MEGF6: variants seen among roughly 807,000 people sequenced by gnomAD.
The protein encoded by MEGF6 is multiple EGF like domains 6, also known as multiple epidermal growth factor-like domains protein 6.
Under a neutral mutation model 207.1 loss-of-function variants are expected in MEGF6, and 184 were observed. The ratio of observed to expected loss-of-function variants is 0.89; its 90% CI spans 0.79 to 1.00. The LOEUF is 1.00. Among genes scored for constraint, MEGF6 ranks in the 50% least tolerant of loss-of-function variants. The pLI, the probability that MEGF6 is intolerant of heterozygous loss-of-function variation, is 0.00. For synonymous variants in MEGF6, 1,038 were observed against 910.0 expected (o/e 1.14, Z -2.53); for missense variants, 2,282 against 2,202.9 (o/e 1.04, Z -0.72).
At chr1:3,516,386 G>A (rs889111844) in intron 5 of MEGF6, among the ~76,000 whole-genome samples, 2 of 152,212 alleles carry the variant, frequency 1.3e-5, no homozygotes, top group East Asian at 3.9e-4. Context: ...AGTCAGCCCC[G>A]AGCTCAGAGG....
intron 36 of MEGF6, 30 bp downstream of exon 36, chr1:3,490,882 A>T (rs772668321): frequency 4.5e-6 from 7 of 1,568,258 alleles, no homozygotes; most frequent in Non-Finnish European, 6.1e-6. Flanking sequence ...CCCTCCTGGC[A>T]AGCCCACGGG....
chr1:3,609,565 G>A (rs1266700347), intron 1 of MEGF6, among the ~76,000 whole-genome samples: 3 of 152,242 alleles, frequency 2.0e-5, no homozygotes, highest in African/African-American at 7.2e-5. Flanking sequence ...CTGCAGCCAG[G>A]GAGGCTCCCC....
At chr1:3,499,775 C>G in intron 22 of MEGF6, 21 bp downstream of exon 22, 1 of 1,572,540 alleles carries the variant, frequency 6.4e-7, no homozygotes, top group Non-Finnish European at 8.6e-7. Context: ...CAGCCTAGCC[C>G]CCGCCTGTGC....
chr1:3,496,687 G>A lies in MEGF6; in HGVS notation c.3710C>T (p.Pro1237Leu), dbSNP rs1168024565. The part of the protein sequence containing the change: ...CDAATGACRC[P>L]TGFLGTDCNL... ...GCAGTCCGTCCCGAGGAACCCAGTG[G>A]GGCAGCGGCAGGCCCCCGTGGCCGC... The change falls in exon 29 of 37, where the codon CCC (proline) becomes CTC (leucine). Residue 1237 changes from proline (P) to leucine (L), a missense_variant. By Grantham distance (98) the Pro-to-Leu change is moderately conservative. Transcript: ENST00000356575. 9 of 1,567,538 alleles carry A rather than the reference G, an allele frequency of 5.7e-6. No individual in the cohort carries two copies. The highest frequency in any genetic ancestry group is 1.4e-5 in the African/African-American group (1 of 73,664).
At chr1:3,527,720 G>A (rs943210017) in intron 4 of MEGF6, among the ~76,000 whole-genome samples, 1 of 152,226 alleles carries the variant, frequency 6.6e-6, no homozygotes, top group African/African-American at 2.4e-5. Flanking sequence ...GGCAGTGTGG[G>A]TGGCACCCAC....
rs1188012918 is a variant in MEGF6 at position 3,510,867 on chromosome 1, G to A, written c.1150C>T (p.Gln384Ter). 8.7e-6 allele frequency: 14 copies of A among 1,609,604 alleles called. No homozygotes were observed. Among genetic ancestry groups the A allele is most frequent in the Non-Finnish European group, 1.2e-5 (14 of 1,177,436 alleles). Residue 384 changes from glutamine to a stop codon, truncating the protein, a stop_gained, in exon 10 of 37, where the codon CAG becomes TAG. Coordinates refer to ENST00000356575, the MANE Select transcript of MEGF6 (RefSeq NM_001409.4). LOFTEE classifies it high-confidence loss of function. ...DDCADSPCCQQVCTNNPGGYE... is the reference protein window; with the variant it reads ...DDCADSPCCQ ...CCGCCAGGGTTGTTGGTGCACACCTGCTGGCAGCACGGGCTGTCTGCACAG... is the reference window on the plus strand; with the variant it reads ...CCGCCAGGGTTGTTGGTGCACACCTACTGGCAGCACGGGCTGTCTGCACAG...
chr1:3,609,075 C>A (rs10909985), intron 1 of MEGF6, among the ~76,000 whole-genome samples: 1 of 152,042 alleles, frequency 6.6e-6, no homozygotes, highest in East Asian at 1.9e-4. Context: ...GCCGCTGCCC[C>A]GTGCCAAGCC....
chr1:3,571,816 GGGTCCTGCTGGGTGTGCTA>G (rs1557785080), intron 4 of MEGF6, among the ~76,000 whole-genome samples: 1 of 134,950 alleles, frequency 7.4e-6, no homozygotes, highest in African/African-American at 2.9e-5. Flanking sequence ...TGGGTGTGCT[GGGTCCTGCTGGGTGTGCTA>G]GGTCCTCCTG....
chr1:3,596,723 C>A (rs187201206), intron 2 of MEGF6, among the ~76,000 whole-genome samples: 5 of 150,590 alleles, frequency 3.3e-5, no homozygotes, highest in African/African-American at 7.3e-5. Flanking sequence ...CCCTGCCCAG[C>A]CCCCGTCTCC....
Position 3,611,194 on chromosome 1 carries a change from G to T in MEGF6, c.75C>A (p.Ala25=). Residue 25 remains alanine (A), a synonymous_variant, in exon 1 of 37, where the codon GCC becomes GCA. Transcript: ENST00000356575. ...GCGGAACGCTGGCGCCCACGGGCAC[G>T]GCGGGGAGCAGCAGCAGCACCAACG... ...VLALVLLLLP[A]VPVGASVPPR... The T allele has an allele frequency of 2.6e-6, 4 of 1,553,752 alleles. No homozygotes were observed. Among genetic ancestry groups the T allele is most frequent in the Non-Finnish European group, 3.4e-6 (4 of 1,160,054 alleles).
chr1:3,581,415 C>T (rs969376231), intron 3 of MEGF6, among the ~76,000 whole-genome samples: 1 of 152,118 alleles, frequency 6.6e-6, no homozygotes, highest in Non-Finnish European at 1.5e-5. Context: ...TGTCCGAACG[C>T]GATAGGGTGG....
At chr1:3,616,503 T>G (rs1047359246), upstream of MEGF6, among the ~76,000 whole-genome samples, 3 of 152,114 alleles carry the variant, frequency 2.0e-5, no homozygotes, top group Admixed American at 2.0e-4. Context: ...CAGTGTGAGA[T>G]GACCACAAAA....
intron 4 of MEGF6, among the ~76,000 whole-genome samples, chr1:3,577,085 A>G (rs1290036133): frequency 6.6e-6 from 1 of 151,992 alleles, no homozygotes; most frequent in East Asian, 1.9e-4. Flanking sequence ...CTGAATGTCC[A>G]GCCCTGCATA....
At chr1:3,606,422 G>A (rs961134905) in intron 1 of MEGF6, among the ~76,000 whole-genome samples, 1 of 152,222 alleles carries the variant, frequency 6.6e-6, no homozygotes, top group Non-Finnish European at 1.5e-5. Context: ...CCGCCAAGCA[G>A]CCTGGGTTTG....
chr1:3,528,704 C>T (rs1485044208), intron 4 of MEGF6, among the ~76,000 whole-genome samples: 2 of 151,992 alleles, frequency 1.3e-5, no homozygotes, highest in African/African-American at 4.8e-5. Context: ...AGGTGCTGTG[C>T]TATAGGCTTT....
At chr1:3,528,673 C>T (rs994317151) in intron 4 of MEGF6, among the ~76,000 whole-genome samples, 5 of 151,882 alleles carry the variant, frequency 3.3e-5, no homozygotes, top group Non-Finnish European at 5.9e-5. Flanking sequence ...AAGCAGAGGT[C>T]GGAGGGAGGC....
intron 2 of MEGF6, among the ~76,000 whole-genome samples, chr1:3,601,970 C>T (rs755276670): frequency 2.0e-5 from 3 of 152,246 alleles, no homozygotes; most frequent in Non-Finnish European, 4.4e-5. Flanking sequence ...TGCCAGCTCC[C>T]GGCACAACCC....
intron 4 of MEGF6, among the ~76,000 whole-genome samples, chr1:3,541,724 C>G (rs1369113007): frequency 6.6e-6 from 1 of 150,840 alleles, no homozygotes; most frequent in Non-Finnish European, 1.5e-5. Flanking sequence ...AGGCAGCAGG[C>G]AAGGGTGTGA....
Position 3,573,352 on chromosome 1 carries a change from C to A in MEGF6, c.481+6473G>T, listed in dbSNP as rs78609407. 7.6e-4 allele frequency among the ~76,000 whole-genome samples: 116 copies of A among 152,336 alleles called. No individual in the cohort carries two copies. The highest frequency in any genetic ancestry group is 2.8e-3 in the African/African-American group (115 of 41,570). ...ACACAAAAAGCCTCCCCCAGGGTGGCCTCCTGGCTGAGCCAGCTCCAGGCC... is the reference window on the plus strand; with the variant it reads ...ACACAAAAAGCCTCCCCCAGGGTGGACTCCTGGCTGAGCCAGCTCCAGGCC... On this transcript the variant is annotated intron_variant, in intron 4 of 36. Transcript: ENST00000356575. This position sits in a 1 kb window ranked among gnomAD's most constrained non-coding sequence, Gnocchi z 5.1.
Sources: allele counts gnomAD v4.1 joint callset (sites outside exome capture counted in the v4.1 genomes callset), GRCh38; gene constraint gnomAD v4.1.1; non-coding constraint Gnocchi (gnomAD v3.1); transcripts MANE v1.5; gene names NCBI Gene and HGNC (gene_info 2026-07-23, HGNC 2026-07-21).